GRM7: variants seen among roughly 807,000 people sequenced by gnomAD.
GRM7 encodes metabotropic glutamate receptor 7.
A neutral mutation model predicts 84.5 loss-of-function variants in GRM7; 35 were observed. The ratio of observed to expected loss-of-function variants is 0.41; its 90% CI spans 0.32 to 0.55. GRM7 has a LOEUF of 0.55. Ranked by LOEUF, GRM7 falls within the 20% of genes least tolerant of loss-of-function variation. GRM7 has a pLI of 0.19. For synonymous variants in GRM7, 487 were observed against 455.1 expected (o/e 1.07, Z -0.89); for missense variants, 1,003 against 1,194.6 (o/e 0.84, Z 2.36).
intron 1 of GRM7, among the ~76,000 whole-genome samples, chr3:6,936,504 CT>C (rs57467204): frequency 0.024 from 3,602 of 152,294 alleles, 145 homozygotes; most frequent in African/African-American, 0.082. Context: ...ATCTGCTACT[CT>C]TCTATTTTTT....
intron 7 of GRM7, among the ~76,000 whole-genome samples, chr3:7,521,600 C>G (rs138671251): frequency 3.3e-4 from 51 of 152,268 alleles, no homozygotes; most frequent in African/African-American, 1.1e-3. Flanking sequence ...TACATTACCA[C>G]TCAGTTAATG....
rs267599933 is a variant in GRM7, at chr3:7,578,623, C to T, written c.1717C>T (p.Arg573Ter). 6 of 1,613,982 alleles carry T rather than the reference C, an allele frequency of 3.7e-6. No individual in the cohort carries two copies. The highest frequency in any genetic ancestry group is 5.1e-6 in the Non-Finnish European group (6 of 1,179,926). The change falls in exon 8 of 10, where the codon CGA becomes TGA. Residue 573 changes from arginine to a stop codon, truncating the protein, a stop_gained. Coordinates refer to ENST00000357716, the MANE Select transcript of GRM7 (RefSeq NM_000844.4). LOFTEE classifies it high-confidence loss of function. ...CPYDQRPNEN[R>*]TGCQDIPIIK... is the part of the protein sequence containing the mutation. ...CTATGACCAGAGGCCCAATGAAAAT[C>T]GAACCGGATGCCAGGATATTCCCAT...
chr3:7,248,753 C>G (rs1202633773), intron 2 of GRM7, among the ~76,000 whole-genome samples: 1 of 152,068 alleles, frequency 6.6e-6, no homozygotes, highest in Non-Finnish European at 1.5e-5. Context: ...TACAAACTCT[C>G]TATGCTTCAG....
intron 1 of GRM7, among the ~76,000 whole-genome samples, chr3:7,005,283 C>T (rs186515772): frequency 6.0e-4 from 92 of 152,302 alleles, no homozygotes; most frequent in Middle Eastern, 3.4e-3. Context: ...TGTGGCCATC[C>T]GGGGACTCTG....
At chr3:7,377,531 G>T (rs1431845379) in intron 4 of GRM7, among the ~76,000 whole-genome samples, 1 of 152,136 alleles carries the variant, frequency 6.6e-6, no homozygotes, top group African/African-American at 2.4e-5. Context: ...AGAAGAAAGG[G>T]GAGAGAAATA....
chr3:7,524,419 A>G (rs1376946615), intron 7 of GRM7, among the ~76,000 whole-genome samples: 1 of 87,062 alleles, frequency 1.1e-5, no homozygotes, highest in African/African-American at 7.2e-5. Context: ...AATTTACAAG[A>G]AAAAAACAAA....
In GRM7 at chr3:6,861,136, G is replaced by T; in HGVS notation, c.-253G>T. 2.4e-6 allele frequency: 1 copy of T among 416,926 alleles called. No homozygotes were observed. Among genetic ancestry groups the T allele is most frequent in the South Asian group, 5.8e-5 (1 of 17,364 alleles). The allele number at this position is 416,926 out of a possible 1,614,324, so 25.8% of individuals were successfully genotyped here. ...CCCCAGTGCTGGGCTGTTGGAGAGAGCGAGCAGCAAGCCGGTGAGCGCGAG... is the reference window on the plus strand; with the variant it reads ...CCCCAGTGCTGGGCTGTTGGAGAGATCGAGCAGCAAGCCGGTGAGCGCGAG... On this transcript the variant is annotated 5_prime_UTR_variant, in exon 1 of 10. Coordinates refer to ENST00000357716, the MANE Select transcript of GRM7 (RefSeq NM_000844.4). This position sits in a 1 kb window ranked among gnomAD's most constrained non-coding sequence, Gnocchi z 6.4.
At chr3:7,205,085 A>G (rs1028063200) in intron 2 of GRM7, among the ~76,000 whole-genome samples, 2 of 152,208 alleles carry the variant, frequency 1.3e-5, no homozygotes, top group South Asian at 2.1e-4. Flanking sequence ...AAGCATGAGC[A>G]TATGAAGACT....
chr3:7,384,681 G>C (rs997284051), intron 4 of GRM7, among the ~76,000 whole-genome samples: 4 of 152,088 alleles, frequency 2.6e-5, no homozygotes, highest in Non-Finnish European at 5.9e-5. Flanking sequence ...AGCACCTTAA[G>C]TTGATCAAGA....
chr3:7,099,558 T>C lies in GRM7; in HGVS notation c.520-46894T>C, dbSNP rs184147779. Among the ~76,000 whole-genome samples, 807 of 146,098 alleles carry C rather than the reference T, an allele frequency of 5.5e-3. 4 individuals are homozygous for C. Among genetic ancestry groups the C allele is most frequent in the Non-Finnish European group, 6.3e-3 (414 of 66,168 alleles). On this transcript the variant is annotated intron_variant, in intron 1 of 9. Coordinates refer to ENST00000357716, the MANE Select transcript of GRM7 (RefSeq NM_000844.4). ...ATACATGTACACATATATGTATATG[T>C]ACACGCATTATACATGTGCACATAT... is the stretch of plus-strand genomic sequence containing the variant.
chr3:7,714,498 T>A (rs1437393072), intron 9 of GRM7, among the ~76,000 whole-genome samples: 1 of 152,170 alleles, frequency 6.6e-6, no homozygotes, highest in East Asian at 1.9e-4. Context: ...ACCAGCAGCA[T>A]CATTGTCACC....
intron 1 of GRM7, among the ~76,000 whole-genome samples, chr3:7,118,185 A>G (rs972752559): frequency 7.2e-5 from 11 of 152,134 alleles, no homozygotes; most frequent in African/African-American, 2.2e-4. Context: ...CAGGAGCTAG[A>G]GACCAGCCTG....
At chr3:7,421,519 C>T (rs368291108) in intron 5 of GRM7, among the ~76,000 whole-genome samples, 10 of 152,234 alleles carry the variant, frequency 6.6e-5, no homozygotes, top group Admixed American at 2.6e-4. Flanking sequence ...CAGGCCTGGA[C>T]CTTAGTTACA....
intron 8 of GRM7, among the ~76,000 whole-genome samples, chr3:7,629,098 A>G (rs1697751821): frequency 6.6e-6 from 1 of 152,128 alleles, no homozygotes; most frequent in Non-Finnish European, 1.5e-5. Context: ...AAAGGAGATA[A>G]CTTGACTGCT....
intron 1 of GRM7, among the ~76,000 whole-genome samples, chr3:6,940,199 C>G (rs1362014891): frequency 2.0e-5 from 3 of 152,110 alleles, no homozygotes; most frequent in African/African-American, 7.2e-5. Flanking sequence ...TCAAGCGATA[C>G]TCCTGCCTCA....
At chr3:7,233,138 C>A (rs977418025) in intron 2 of GRM7, among the ~76,000 whole-genome samples, 1 of 152,070 alleles carries the variant, frequency 6.6e-6, no homozygotes, top group East Asian at 1.9e-4. Flanking sequence ...ATTATATGTT[C>A]TTGAAATAGA....
chr3:7,115,353 A>G lies in GRM7; in HGVS notation c.520-31099A>G, dbSNP rs547652983. 1.7e-4 allele frequency among the ~76,000 whole-genome samples: 26 copies of G among 152,294 alleles called. No individual in the cohort carries two copies. The East Asian group carries it at 3.9e-3, about 23-fold the overall frequency. On this transcript the variant is annotated intron_variant, in intron 1 of 9. Coordinates refer to ENST00000357716, the MANE Select transcript of GRM7 (RefSeq NM_000844.4). The stretch of plus-strand genomic sequence containing the variant: ...GACTTGCTGAAGTTGTCCCAGGAAG[A>G]TGCAAAATAACATATGTCAAGCACC...
At chr3:7,189,151 T>C (rs1267844360) in intron 2 of GRM7, among the ~76,000 whole-genome samples, 2 of 152,158 alleles carry the variant, frequency 1.3e-5, no homozygotes, top group Non-Finnish European at 2.9e-5. Flanking sequence ...TATATTGAGA[T>C]ACAAATGTAT....
intron 7 of GRM7, among the ~76,000 whole-genome samples, chr3:7,565,176 T>C (rs2125039976): frequency 6.6e-6 from 1 of 152,326 alleles, no homozygotes; most frequent in Non-Finnish European, 1.5e-5. Flanking sequence ...CATTTCTAAT[T>C]ACACTTTAAC....
Sources: gnomAD v4.1 joint callset for allele counts (sites outside exome capture counted in the v4.1 genomes callset) on GRCh38, gnomAD v4.1.1 for gene constraint, Gnocchi (gnomAD v3.1) non-coding constraint, MANE v1.5 for transcripts, NCBI Gene and HGNC (gene_info 2026-07-23, HGNC 2026-07-21) for gene names.